The following FOXP1 variants were observed in gnomAD, a reference collection of about 807,000 sequenced individuals.
FOXP1 encodes forkhead box P1.
In FOXP1, 15 loss-of-function variants were observed where a neutral mutation model predicts 98.2. The observed-to-expected ratio is 0.15, with a 90% CI of 0.10 to 0.24. FOXP1 has a LOEUF of 0.24. FOXP1 is among the 10% of genes least tolerant of loss of function. The pLI is 1.00. For synonymous variants in FOXP1, 371 were observed against 314.5 expected (o/e 1.18, Z -1.90); for missense variants, 633 against 848.5 (o/e 0.75, Z 3.15).
chr3:71,411,483 C>T (rs538255079), intron 3 of FOXP1, among the ~76,000 whole-genome samples: 13 of 152,236 alleles, frequency 8.5e-5, no homozygotes, highest in African/African-American at 3.1e-4. Context: ...CCACCATGCC[C>T]GGCTAATTTT....
chr3:71,180,862 C>T (rs776758501), intron 6 of FOXP1, among the ~76,000 whole-genome samples: 8 of 152,076 alleles, frequency 5.3e-5, no homozygotes, highest in African/African-American at 1.9e-4. Context: ...CTTAACTCTG[C>T]GTCTAAATTT....
chr3:71,461,633 T>G (rs1212513192), intron 3 of FOXP1, among the ~76,000 whole-genome samples: 2 of 151,934 alleles, frequency 1.3e-5, no homozygotes, highest in Admixed American at 6.6e-5. Flanking sequence ...AAACCCCGTC[T>G]CTACTAAAAA....
chr3:71,340,722 TA>T (rs113932822), intron 4 of FOXP1, among the ~76,000 whole-genome samples: 1 of 151,824 alleles, frequency 6.6e-6, no homozygotes, highest in Non-Finnish European at 1.5e-5. Flanking sequence ...CTGCCCACAA[TA>T]AAAAAAATTA....
At chr3:71,549,638 G>C (rs1456475501) in intron 2 of FOXP1, among the ~76,000 whole-genome samples, 3 of 152,098 alleles carry the variant, frequency 2.0e-5, no homozygotes, top group African/African-American at 7.2e-5. Flanking sequence ...GCCTCCCAAA[G>C]TACTGGGATT....
chr3:71,239,224 T>C (rs2067048284), intron 5 of FOXP1, among the ~76,000 whole-genome samples: 1 of 152,124 alleles, frequency 6.6e-6, no homozygotes, highest in South Asian at 2.1e-4. Flanking sequence ...TTTCTCCTCT[T>C]CCCTGTCTCC....
intron 7 of FOXP1, among the ~76,000 whole-genome samples, chr3:71,081,899 A>T (rs1237127146): frequency 6.6e-6 from 1 of 152,290 alleles, no homozygotes; most frequent in Non-Finnish European, 1.5e-5. Context: ...AAAATAATTT[A>T]GTTCCTCTAA....
chr3:71,213,544 T>C (rs187191583), intron 5 of FOXP1, among the ~76,000 whole-genome samples: 3 of 152,278 alleles, frequency 2.0e-5, no homozygotes, highest in East Asian at 3.9e-4. Context: ...TGGCCGGGCA[T>C]GGTGGCTCAC....
chr3:71,531,281 G>A (rs1405797813), intron 2 of FOXP1, among the ~76,000 whole-genome samples: 1 of 152,216 alleles, frequency 6.6e-6, no homozygotes, highest in Non-Finnish European at 1.5e-5. Context: ...GCTGCCCAAG[G>A]TCACTCAGAA....
intron 7 of FOXP1, among the ~76,000 whole-genome samples, chr3:71,107,283 T>C (rs1277732466): frequency 6.6e-6 from 1 of 152,144 alleles, no homozygotes; most frequent in Admixed American, 6.5e-5. Flanking sequence ...AGCAGGAGTA[T>C]CAGCCTGGAC....
At chr3:70,968,058 T>C (rs2035334882) in intron 19 of FOXP1, among the ~76,000 whole-genome samples, 1 of 152,168 alleles carries the variant, frequency 6.6e-6, no homozygotes, top group Non-Finnish European at 1.5e-5. Flanking sequence ...TCTCAAAGTA[T>C]TCTAGGTCAA....
chr3:71,019,750 G>C (rs2045120506), intron 11 of FOXP1, among the ~76,000 whole-genome samples: 1 of 152,060 alleles, frequency 6.6e-6, no homozygotes, highest in Non-Finnish European at 1.5e-5. Flanking sequence ...AGAATCGCTT[G>C]AACCTGGGAG....
intron 2 of FOXP1, among the ~76,000 whole-genome samples, chr3:71,554,355 T>TA (rs1291687490): frequency 1.3e-5 from 2 of 152,122 alleles, no homozygotes; most frequent in Non-Finnish European, 2.9e-5. Flanking sequence ...TCTGTCTCTT[T>TA]AACAAATTTT....
At chr3:70,983,493 TC>T (rs1029519532) in intron 14 of FOXP1, among the ~76,000 whole-genome samples, 26 of 152,144 alleles carry the variant, frequency 1.7e-4, no homozygotes, top group Admixed American at 7.2e-4. Context: ...TTCAAAACAG[TC>T]CTAATGGCTA....
chr3:71,264,373 G>C (rs1045985442), intron 5 of FOXP1, among the ~76,000 whole-genome samples: 1 of 152,064 alleles, frequency 6.6e-6, no homozygotes, highest in African/African-American at 2.4e-5. Context: ...CAAGACCCAA[G>C]GCTTATTTAT....
At chr3:71,422,825 A>C (rs1407409769) in intron 3 of FOXP1, among the ~76,000 whole-genome samples, 2 of 152,046 alleles carry the variant, frequency 1.3e-5, no homozygotes, top group African/African-American at 4.8e-5. Context: ...CTTTCATCTC[A>C]GTAAGAGTTA....
At chr3:71,272,981 T>A (rs955840712) in intron 5 of FOXP1, among the ~76,000 whole-genome samples, 1 of 152,154 alleles carries the variant, frequency 6.6e-6, no homozygotes, top group Admixed American at 6.5e-5. Flanking sequence ...CCTCCCCCAG[T>A]AGAGCCTCCT....
intron 13 of FOXP1, among the ~76,000 whole-genome samples, chr3:70,994,601 G>A (rs76707936): frequency 1.4e-3 from 212 of 152,230 alleles, no homozygotes; most frequent in African/African-American, 4.9e-3. Flanking sequence ...ACTAGGTTGT[G>A]TATTACGGGA....
At chr3:71,083,543 TTGA>T (rs1332437530) in intron 7 of FOXP1, among the ~76,000 whole-genome samples, 2 of 152,212 alleles carry the variant, frequency 1.3e-5, no homozygotes, top group African/African-American at 4.8e-5. Flanking sequence ...AGTCACTCAA[TTGA>T]TTCAAGGGAT....
chr3:71,257,098 C>T (rs935093902), intron 5 of FOXP1, among the ~76,000 whole-genome samples: 1 of 152,148 alleles, frequency 6.6e-6, no homozygotes, highest in African/African-American at 2.4e-5. Flanking sequence ...CGGGAGGAAG[C>T]TGAGTTTATT....
Sources: allele counts gnomAD v4.1 joint callset (sites outside exome capture counted in the v4.1 genomes callset), GRCh38; gene constraint gnomAD v4.1.1; transcripts MANE v1.5; gene names NCBI Gene and HGNC (gene_info 2026-07-23, HGNC 2026-07-21).